The following CCNF variants were observed in gnomAD, a reference collection of about 807,000 sequenced individuals.
CCNF encodes cyclin F.
A neutral mutation model predicts 85.4 loss-of-function variants in CCNF; 30 were observed. That is an observed-to-expected ratio of 0.35 (90% CI 0.26 to 0.48). The LOEUF (loss-of-function observed/expected upper bound fraction) is 0.48. CCNF is among the 20% of genes least tolerant of loss of function. The probability of loss-of-function intolerance (pLI) is 0.99; values close to 1 mark genes in which losing one functional copy is unlikely to be tolerated. For synonymous variants in CCNF, 439 were observed against 425.1 expected (o/e 1.03, Z -0.40); for missense variants, 919 against 1,010.4 (o/e 0.91, Z 1.23).
chr16:2,446,504 A>G (rs566156853), intron 10 of CCNF, among the ~76,000 whole-genome samples: 1 of 152,316 alleles, frequency 6.6e-6, no homozygotes, highest in South Asian at 2.1e-4. Flanking sequence ...TGGATCCCCT[A>G]GTTCCGCCTT....
chr16:2,446,434 C>T (rs2065362894), intron 10 of CCNF, among the ~76,000 whole-genome samples: 1 of 152,258 alleles, frequency 6.6e-6, no homozygotes, highest in South Asian at 2.1e-4. Flanking sequence ...CAGCAGCGTG[C>T]GTCCTTACAC....
intron 8 of CCNF, among the ~76,000 whole-genome samples, chr16:2,441,974 TA>T (rs1567385709): frequency 1.1e-3 from 142 of 132,462 alleles, no homozygotes; most frequent in Middle Eastern, 3.8e-3. Context: ...TATATATATA[TA>T]TATATATGTT....
At chr16:2,444,607 T>C (rs1438575942) in intron 9 of CCNF, among the ~76,000 whole-genome samples, 4 of 151,750 alleles carry the variant, frequency 2.6e-5, no homozygotes, top group Non-Finnish European at 5.9e-5. Flanking sequence ...GCCACCTTTT[T>C]TTTTTTTGAG....
chr16:2,443,063 A>G (rs1358949975), intron 8 of CCNF, among the ~76,000 whole-genome samples: 6 of 108,134 alleles, frequency 5.5e-5, no homozygotes, highest in African/African-American at 2.3e-4. Flanking sequence ...TAATATCTAT[A>G]ATATATATTA....
Position 2,458,288 on chromosome 16 carries a change from T to G in CCNF, c.*1268T>G, listed in dbSNP as rs531146892. The G allele has an allele frequency of 6.6e-6, 1 of 151,132 alleles. No homozygotes were observed. Among genetic ancestry groups the G allele is most frequent in the South Asian group, 2.1e-4 (1 of 4,772 alleles). 9.4% of individuals were successfully genotyped at this position (151,132 alleles called of 1,614,324 possible). ...TTTTTTTTTGGAGACAGTTTTGCTCTTGTCTCCCCGGCTGGAGTGCAGTGG... is the reference window on the plus strand; with the variant it reads ...TTTTTTTTTGGAGACAGTTTTGCTCGTGTCTCCCCGGCTGGAGTGCAGTGG... On this transcript the variant is annotated 3_prime_UTR_variant, in exon 17 of 17. Transcript: ENST00000397066.
At chr16:2,443,552 C>A in intron 8 of CCNF, 97 bp from the exon 9 acceptor site, 1 of 1,204,218 alleles carries the variant, frequency 8.3e-7, no homozygotes, top group Non-Finnish European at 1.2e-6. Flanking sequence ...GGCAGTGTGT[C>A]CACATGCATT....
chr16:2,438,933 G>A (rs1596918560), intron 6 of CCNF, among the ~76,000 whole-genome samples: 1 of 151,926 alleles, frequency 6.6e-6, no homozygotes, highest in East Asian at 1.9e-4. Context: ...GGGAAGCTGA[G>A]GTTTTAGTTA....
At position 2,453,332 on chromosome 16, in the gene CCNF, G is replaced by C. The variant is rs1567390838; in HGVS notation, c.1587+23G>C. 6.2e-7 allele frequency: 1 copy of C among 1,613,856 alleles called. No individual in the cohort carries two copies. The highest frequency in any genetic ancestry group is 1.3e-5 in the African/African-American group (1 of 75,058). ...GAGGTGCCTCCCTCCCGCCACCTGGGCGTCTCATGGGGTGCTGGGGTGTGG... is the reference window on the plus strand; with the variant it reads ...GAGGTGCCTCCCTCCCGCCACCTGGCCGTCTCATGGGGTGCTGGGGTGTGG... On this transcript the variant is annotated intron_variant, in intron 14 of 16. Coordinates refer to ENST00000397066, the MANE Select transcript of CCNF (RefSeq NM_001761.3). This position sits in a 1 kb window ranked among gnomAD's most constrained non-coding sequence, Gnocchi z 5.6.
At chr16:2,433,237 G>A (rs1258438854) in intron 3 of CCNF, among the ~76,000 whole-genome samples, 170 bp downstream of exon 3, 2 of 152,048 alleles carry the variant, frequency 1.3e-5, no homozygotes, top group African/African-American at 2.4e-5. Context: ...GCATCAGGCC[G>A]CACAAGCCAC....
chr16:2,433,277 A>T (rs1007779054), intron 3 of CCNF, among the ~76,000 whole-genome samples: 20 of 152,238 alleles, frequency 1.3e-4, no homozygotes, highest in Middle Eastern at 3.4e-3. Context: ...GCAGTCAGTC[A>T]TCCCTCACGC....
At chr16:2,438,979 C>CA in intron 6 of CCNF, among the ~76,000 whole-genome samples, 1 of 151,470 alleles carries the variant, frequency 6.6e-6, no homozygotes, top group Non-Finnish European at 1.5e-5. Flanking sequence ...GCCTGGGTGA[C>CA]AGAGGGAGAC....
chr16:2,455,012 A>G (rs973139354), intron 15 of CCNF, among the ~76,000 whole-genome samples: 2 of 149,716 alleles, frequency 1.3e-5, no homozygotes, highest in Admixed American at 6.7e-5. Flanking sequence ...GTGAGCCAAG[A>G]TCACACCACT....
chr16:2,441,538 G>A (rs1475696324), intron 8 of CCNF, among the ~76,000 whole-genome samples: 6 of 151,900 alleles, frequency 3.9e-5, no homozygotes, highest in South Asian at 2.1e-4. Context: ...AGGCTGAGGC[G>A]GGAGGATCAC....
chr16:2,446,946 G>A (rs903530921), intron 10 of CCNF, among the ~76,000 whole-genome samples: 1 of 152,216 alleles, frequency 6.6e-6, no homozygotes, highest in African/African-American at 2.4e-5. Flanking sequence ...GCTCGATGCA[G>A]TGTCATTCCC....
At position 2,429,865 on chromosome 16, in the gene CCNF, G is replaced by A. The variant is rs937770034; in HGVS notation, c.16+368G>A. On this transcript the variant is annotated intron_variant, in intron 1 of 16. Transcript: ENST00000397066. ...TCGGGGAAAGGGCTGCGGAGCGCGT[G>A]GGGGCGAAGCGATCCCGCAGCCCGG... is the stretch of plus-strand genomic sequence containing the variant. Among the ~76,000 whole-genome samples, 5 of 152,086 alleles carry A rather than the reference G, an allele frequency of 3.3e-5. No homozygotes were observed. In the South Asian group the frequency reaches 8.3e-4, roughly 25 times the overall value.
In CCNF at chr16:2,429,507, G is replaced by C; in HGVS notation, c.16+10G>C. 8.1e-7 allele frequency: 1 copy of C among 1,230,996 alleles called. No homozygotes were observed. Among genetic ancestry groups the C allele is most frequent in the Non-Finnish European group, 1.0e-6 (1 of 986,540 alleles). The allele number at this position is 1,230,996 out of a possible 1,614,324, so 76.3% of individuals were successfully genotyped here. A position where few individuals can be genotyped will look rare whatever the true frequency, so the allele number is the denominator to read the frequency against. On this transcript the variant is annotated intron_variant, in intron 1 of 16. Transcript: ENST00000397066. ...ATGGGGAGCGGCGGCGGTGAGTGCG[G>C]GGCGATGTCCGCTGGTTTCTGCCCC...
chr16:2,449,572 G>C (rs111348985), intron 12 of CCNF, 110 bp downstream of exon 12: 207 of 1,136,342 alleles, frequency 1.8e-4, no homozygotes, highest in Admixed American at 1.8e-3. Flanking sequence ...TTACTTCTTG[G>C]GGGGTGAGAT....
Position 2,456,862 on chromosome 16 carries a change from C to A in CCNF, c.2203C>A (p.His735Asn), listed in dbSNP as rs2065431646. ...TSVLSLDSDS[H>N]TQPCHHQARK... ...AGTGCTGTCCCTGGACAGTGACTCG[C>A]ACACACAGCCCTGCCACCATCAGGC... Residue 735 changes from histidine (H) to asparagine (N), a missense_variant, in exon 17 of 17, where the codon CAC becomes AAC. Coordinates refer to ENST00000397066, the MANE Select transcript of CCNF (RefSeq NM_001761.3). This position sits in a 1 kb window ranked among gnomAD's most constrained non-coding sequence, Gnocchi z 4.5. 3.7e-6 allele frequency: 6 copies of A among 1,614,110 alleles called. No homozygotes were observed. Among genetic ancestry groups the A allele is most frequent in the Non-Finnish European group, 5.1e-6 (6 of 1,180,032 alleles).
chr16:2,446,418 T>C (rs1360144830), intron 10 of CCNF, among the ~76,000 whole-genome samples: 2 of 152,258 alleles, frequency 1.3e-5, no homozygotes, highest in Admixed American at 1.3e-4. Context: ...CGTGGGTGTC[T>C]CTCAGCAGCA....
Sources: gnomAD v4.1 joint callset for allele counts (sites outside exome capture counted in the v4.1 genomes callset) on GRCh38, gnomAD v4.1.1 for gene constraint, Gnocchi (gnomAD v3.1) non-coding constraint, MANE v1.5 for transcripts, NCBI Gene and HGNC (gene_info 2026-07-23, HGNC 2026-07-21) for gene names.